Variants in IGF2BP2 observed in about 807,000 individuals in gnomAD.
The protein encoded by IGF2BP2 is insulin-like growth factor 2 mRNA-binding protein 2.
Under a neutral mutation model 75.8 loss-of-function variants are expected in IGF2BP2, and 17 were observed. That is an observed-to-expected ratio of 0.22 (90% CI 0.15 to 0.34). The LOEUF (loss-of-function observed/expected upper bound fraction) is 0.34, where lower values mean the gene tolerates loss of function less well. Among genes scored for constraint, IGF2BP2 ranks in the 10% least tolerant of loss-of-function variants. IGF2BP2 has a pLI of 1.00. For missense variants in IGF2BP2, 516 were observed against 772.4 expected (o/e 0.67, Z 3.93); for synonymous variants, 288 against 295.6 (o/e 0.97, Z 0.26).
chr3:185,811,830 G>GTCTCTGTCTC (rs1739882695), intron 2 of IGF2BP2, among the ~76,000 whole-genome samples: 2 of 120,806 alleles, frequency 1.7e-5, no homozygotes, highest in Non-Finnish European at 3.5e-5. Context: ...AGAGTAGGGT[G>GTCTCTGTCTC]TCTCTCTCTC....
intron 12 of IGF2BP2, among the ~76,000 whole-genome samples, chr3:185,653,306 G>A (rs1207582411): frequency 2.6e-5 from 4 of 151,916 alleles, no homozygotes; most frequent in Non-Finnish European, 5.9e-5. Context: ...ACACATTGTA[G>A]CAAAATTAAA....
intron 2 of IGF2BP2, among the ~76,000 whole-genome samples, chr3:185,772,636 C>T (rs1029915900): frequency 3.6e-5 from 5 of 140,518 alleles, no homozygotes; most frequent in African/African-American, 5.4e-5. Flanking sequence ...GGCTGGAGTG[C>T]AGTGGTGCAA....
At chr3:185,696,361 G>T (rs1402443181) in intron 4 of IGF2BP2, 4 of 488,312 alleles carry the variant, frequency 8.2e-6, no homozygotes, top group Non-Finnish European at 1.5e-5. Context: ...TGAGCACACT[G>T]CACAGTATAT....
At chr3:185,803,143 G>C (rs1001129178) in intron 2 of IGF2BP2, among the ~76,000 whole-genome samples, 1 of 152,196 alleles carries the variant, frequency 6.6e-6, no homozygotes, top group Non-Finnish European at 1.5e-5. Context: ...TTGAGGTCAG[G>C]AGTTCAAGAC....
rs552793933 is a variant in IGF2BP2, at chr3:185,777,095, G to C, written c.239+46058C>G. 1.1e-3 allele frequency among the ~76,000 whole-genome samples: 160 copies of C among 152,244 alleles called. 1 individual carries two copies. The highest frequency in any genetic ancestry group is 3.4e-3 in the Middle Eastern group (1 of 294). On this transcript the variant is annotated intron_variant, in intron 2 of 15. Transcript: ENST00000382199. ...AGCTTCCTAGTGGCCAAAGTGAAAA[G>C]AGAGATAGTTGCCTCCAAAAGAAGA...
At chr3:185,822,003 T>TA (rs150655061) in intron 2 of IGF2BP2, among the ~76,000 whole-genome samples, 5,534 of 148,650 alleles carry the variant, frequency 0.037, 145 homozygotes, top group African/African-American at 0.062. Flanking sequence ...TTTTTTAAAT[T>TA]AAAAAAAAAA....
intron 2 of IGF2BP2, among the ~76,000 whole-genome samples, chr3:185,702,338 C>T (rs573040169): frequency 3.3e-5 from 5 of 151,960 alleles, no homozygotes; most frequent in African/African-American, 9.7e-5. Flanking sequence ...AGGAGGTGTT[C>T]GTTTCCCTCC....
chr3:185,824,675 G>A, intron 1 of IGF2BP2, 108 bp downstream of exon 1: 1 of 771,552 alleles, frequency 1.3e-6, no homozygotes, highest in Non-Finnish European at 1.8e-6. Flanking sequence ...GAGCGTGCGG[G>A]CGCGGGAGCC....
intron 10 of IGF2BP2, among the ~76,000 whole-genome samples, chr3:185,660,160 A>G (rs921391725): frequency 2.0e-5 from 3 of 152,220 alleles, no homozygotes; most frequent in African/African-American, 4.8e-5. Flanking sequence ...TGCTTTACAC[A>G]AGGCTGGGTC....
chr3:185,704,588 T>C (rs1723754490), intron 2 of IGF2BP2, among the ~76,000 whole-genome samples: 2 of 152,160 alleles, frequency 1.3e-5, no homozygotes, highest in South Asian at 4.1e-4. Context: ...CAGCTGGGGC[T>C]ACAGGCCCAA....
chr3:185,672,627 C>A lies in IGF2BP2; in HGVS notation c.1114G>T (p.Gly372Cys). 1 of 1,614,108 alleles carries A rather than the reference C, an allele frequency of 6.2e-7. No homozygotes were observed. The highest frequency in any genetic ancestry group is 8.5e-7 in the Non-Finnish European group (1 of 1,179,998). ...LIPGLNLSAL[G>C]IFSTGLSVLS... is the part of the protein sequence containing the mutation. ...ACGGACAGTCCTGTTGAAAAGATGC[C>A]AAGTGCGCTGAGGTTCAACCCTGGG... Residue 372 changes from glycine to cysteine, a missense_variant, in exon 10 of 16, where the codon GGC becomes TGC. Gly to Cys is a radical substitution (Grantham distance 159). Transcript: ENST00000382199.
chr3:185,807,994 A>G (rs934193764), intron 2 of IGF2BP2, among the ~76,000 whole-genome samples: 2 of 152,136 alleles, frequency 1.3e-5, no homozygotes, highest in African/African-American at 4.8e-5. Flanking sequence ...TTTTTGTTTT[A>G]ATTAGCTGGG....
intron 2 of IGF2BP2, among the ~76,000 whole-genome samples, chr3:185,740,877 T>C (rs1729457654): frequency 6.6e-6 from 1 of 152,236 alleles, no homozygotes; most frequent in South Asian, 2.1e-4. Flanking sequence ...TTTTTTATTT[T>C]ATTTTACTTA....
At chr3:185,669,279 T>C (rs1718146771) in intron 10 of IGF2BP2, among the ~76,000 whole-genome samples, 1 of 151,990 alleles carries the variant, frequency 6.6e-6, no homozygotes, top group African/African-American at 2.4e-5. Context: ...ATTGGATAAA[T>C]GAATCAAGAT....
At chr3:185,715,016 G>A (rs926916763) in intron 2 of IGF2BP2, among the ~76,000 whole-genome samples, 1 of 152,162 alleles carries the variant, frequency 6.6e-6, no homozygotes. Context: ...CTCACATGCC[G>A]CACTGCCAAG....
Position 185,713,074 on chromosome 3 carries a change from ATGTGTG to A in IGF2BP2, c.240-14733_240-14728del, listed in dbSNP as rs201252245. 3.0e-3 allele frequency among the ~76,000 whole-genome samples: 431 copies of A among 144,574 alleles called. 2 individuals are homozygous for A. The highest frequency in any genetic ancestry group is 0.01 in the African/African-American group (397 of 39,006). 94.8% of individuals were successfully genotyped at this position (144,574 alleles called of 152,430 possible). A position where few individuals can be genotyped will look rare whatever the true frequency, so the allele number is the denominator to read the frequency against. Reference sequence around the variant, plus strand: ...TGCATAGCCTGCCCTACAGATATGTATGTGTGTGTGTGTGTGTGTGTGTGTGTGCAA... The same window carrying A: ...TGCATAGCCTGCCCTACAGATATGTATGTGTGTGTGTGTGTGTGTGTGCAA... On this transcript the variant is annotated intron_variant, in intron 2 of 15. Coordinates refer to ENST00000382199, the MANE Select transcript of IGF2BP2 (RefSeq NM_006548.6).
chr3:185,702,459 G>A (rs2149378204), intron 2 of IGF2BP2, among the ~76,000 whole-genome samples: 1 of 152,188 alleles, frequency 6.6e-6, no homozygotes, highest in South Asian at 2.1e-4. Context: ...AGTAACTTAG[G>A]AAAGTGATTG....
At chr3:185,675,273 A>C in intron 9 of IGF2BP2, 23 bp downstream of exon 9, 1 of 1,595,632 alleles carries the variant, frequency 6.3e-7, no homozygotes, top group Non-Finnish European at 8.5e-7. Flanking sequence ...AAACCAGCGG[A>C]GAAGAAAGCA....
intron 2 of IGF2BP2, among the ~76,000 whole-genome samples, chr3:185,777,718 G>A (rs1159888176): frequency 1.3e-5 from 2 of 152,128 alleles, no homozygotes; most frequent in African/African-American, 4.8e-5. Flanking sequence ...AAAATTGTAA[G>A]GAGCATCTCC....
Sources: allele counts gnomAD v4.1 joint callset (sites outside exome capture counted in the v4.1 genomes callset), GRCh38; gene constraint gnomAD v4.1.1; transcripts MANE v1.5; gene names NCBI Gene and HGNC (gene_info 2026-07-23, HGNC 2026-07-21).